The following MACF1 variants were observed in gnomAD, a reference collection of about 807,000 sequenced individuals.
The protein encoded by MACF1 is microtubule actin crosslinking factor 1, also known as microtubule-actin cross-linking factor 1.
MACF1 carries 193 observed loss-of-function variants against 854.8 expected under a neutral mutation model. The ratio of observed to expected loss-of-function variants is 0.23; its 90% CI spans 0.20 to 0.25. MACF1 has a LOEUF of 0.25. MACF1 is among the 10% of genes least tolerant of loss of function. MACF1 has a pLI of 1.00. For missense variants in MACF1, 7,722 were observed against 8,929.1 expected, an observed-to-expected ratio of 0.86 and a Z score of 5.45; for synonymous variants, 3,185 against 3,226.7, an observed-to-expected ratio of 0.99 and a Z score of 0.44.
intron 40 of MACF1, among the ~76,000 whole-genome samples, chr1:39,341,526 T>A (rs1204124658): frequency 2.0e-5 from 3 of 151,012 alleles, no homozygotes; most frequent in African/African-American, 4.9e-5. Context: ...TGAAACCCCG[T>A]CTCTATTAAA....
At chr1:39,417,843 G>A (rs549201873) in intron 58 of MACF1, among the ~76,000 whole-genome samples, 1 of 148,792 alleles carries the variant, frequency 6.7e-6, no homozygotes, top group South Asian at 2.1e-4. Flanking sequence ...GTCCCAAAGT[G>A]CTGGGATTAC....
At position 39,388,156 on chromosome 1, in the gene MACF1, A is replaced by G. The variant is rs758638668; in HGVS notation, c.15314A>G (p.Gln5105Arg). Residue 5105 changes from glutamine to arginine, a missense_variant, in exon 58 of 101, where the codon CAA becomes CGA. Transcript: ENST00000564288. ...CAGCAAGAGTTCCTCGAAGTTAAGCAAAGAGTGAACAGTGGTTGTGTGATG... is the reference window on the plus strand; with the variant it reads ...CAGCAAGAGTTCCTCGAAGTTAAGCGAAGAGTGAACAGTGGTTGTGTGATG... ...VAQQEFLEVK[Q>R]RVNSGCVMME... The G allele has an allele frequency of 1.9e-6, 3 of 1,614,192 alleles. No homozygotes were observed. In the East Asian group the frequency reaches 6.7e-5, roughly 36 times the overall value.
intron 2 of MACF1, among the ~76,000 whole-genome samples, chr1:39,089,657 C>T (rs1641758369): frequency 6.6e-6 from 1 of 152,126 alleles, no homozygotes; most frequent in Non-Finnish European, 1.5e-5. Context: ...TGTCTCTCCT[C>T]CAAGTTGGGA....
chr1:39,254,965 G>C (rs1241705152), intron 5 of MACF1, among the ~76,000 whole-genome samples: 1 of 152,126 alleles, frequency 6.6e-6, no homozygotes, highest in Non-Finnish European at 1.5e-5. Context: ...CCAATGAAGA[G>C]AGTAAGAATG....
chr1:39,260,722 A>G (rs1374140425), intron 6 of MACF1, among the ~76,000 whole-genome samples: 3 of 151,952 alleles, frequency 2.0e-5, no homozygotes, highest in Non-Finnish European at 2.9e-5. Flanking sequence ...TTATCTCTAA[A>G]AACAACAACA....
At chr1:39,390,622 G>C (rs1344173165) in intron 58 of MACF1, among the ~76,000 whole-genome samples, 3 of 152,160 alleles carry the variant, frequency 2.0e-5, no homozygotes, top group Non-Finnish European at 4.4e-5. Flanking sequence ...TGGTAGTGTG[G>C]CCTTCCCTGT....
chr1:39,205,634 G>A (rs1644441172), intron 1 of MACF1, among the ~76,000 whole-genome samples: 2 of 152,088 alleles, frequency 1.3e-5, no homozygotes, highest in Admixed American at 6.5e-5. Context: ...GTCGTGCGAT[G>A]TCCTTGCCGA....
chr1:39,447,303 G>T, intron 80 of MACF1, 129 bp from the exon 81 acceptor site: 1 of 830,082 alleles, frequency 1.2e-6, no homozygotes, highest in Non-Finnish European at 1.9e-6. Context: ...TTTGGACGTT[G>T]ATTAAATGAG....
intron 2 of MACF1, among the ~76,000 whole-genome samples, chr1:39,115,271 TAGGC>T (rs948939501): frequency 2.8e-4 from 42 of 152,238 alleles, no homozygotes; most frequent in Middle Eastern, 3.4e-3. Flanking sequence ...CACAGGAATT[TAGGC>T]AGGGAGTGAA....
intron 58 of MACF1, chr1:39,413,148 A>G (rs1228935337): frequency 6.2e-7 from 1 of 1,612,752 alleles, no homozygotes; most frequent in African/African-American, 1.3e-5. Context: ...TAGCTATTAC[A>G]GTACCCATCA....
chr1:39,486,643 C>T lies in MACF1; in HGVS notation c.*849C>T, dbSNP rs896922294. ...TTTTTTTGCTATTTATTTAAATGGT[C>T]GATCAACTTCCCACAAACTGAGGAA... On this transcript the variant is annotated 3_prime_UTR_variant, in exon 101 of 101. Coordinates refer to ENST00000564288, the MANE Select transcript of MACF1 (RefSeq NM_001394062.1). 6 of 152,584 alleles carry T rather than the reference C, an allele frequency of 3.9e-5. No homozygotes were observed. The highest frequency in any genetic ancestry group is 3.2e-3 in the Middle Eastern group (1 of 316). The allele number at this position is 152,584 out of a possible 1,614,324, so 9.5% of individuals were successfully genotyped here.
At chr1:39,154,402 A>C (rs964190321) in intron 2 of MACF1, 30 of 152,068 alleles carry the variant, frequency 2.0e-4, no homozygotes, top group African/African-American at 7.3e-4. Context: ...CATTCAACAG[A>C]TATATGTGGG....
intron 97 of MACF1, among the ~76,000 whole-genome samples, chr1:39,477,092 C>CAT (rs1644914337): frequency 2.8e-5 from 2 of 72,414 alleles, no homozygotes; most frequent in African/African-American, 1.5e-4. Context: ...TATATATATA[C>CAT]ACACACACAC....
intron 30 of MACF1, 149 bp downstream of exon 30, chr1:39,318,764 C>A: frequency 1.2e-6 from 1 of 855,318 alleles, no homozygotes. Flanking sequence ...AGGATCGTCC[C>A]AAGATACTGG....
chr1:39,431,182 C>T (rs1643870806), intron 66 of MACF1, among the ~76,000 whole-genome samples: 1 of 152,116 alleles, frequency 6.6e-6, no homozygotes, highest in African/African-American at 2.4e-5. Context: ...GCTAAGAAGG[C>T]TGATGGTGAT....
chr1:39,196,087 C>T (rs896604708), intron 2 of MACF1, among the ~76,000 whole-genome samples: 1 of 152,166 alleles, frequency 6.6e-6, no homozygotes, highest in Non-Finnish European at 1.5e-5. Flanking sequence ...TACTACAACT[C>T]TGAGACAGAT....
intron 2 of MACF1, among the ~76,000 whole-genome samples, chr1:39,190,083 A>C (rs775972857): frequency 1.3e-5 from 2 of 152,178 alleles, no homozygotes; most frequent in African/African-American, 2.4e-5. Context: ...AATCGTCTCT[A>C]GTTCTGTAAT....
intron 2 of MACF1, among the ~76,000 whole-genome samples, chr1:39,172,282 C>G (rs1438516913): frequency 6.6e-6 from 1 of 152,190 alleles, no homozygotes; most frequent in Non-Finnish European, 1.5e-5. Context: ...CTGATAATCC[C>G]TCTATCCCTT....
chr1:39,162,974 A>G (rs544024167), intron 2 of MACF1, among the ~76,000 whole-genome samples: 1 of 152,316 alleles, frequency 6.6e-6, no homozygotes, highest in Admixed American at 6.5e-5. Flanking sequence ...AAAATATTCT[A>G]ACAATGGTGC....
Sources: gnomAD v4.1 joint callset for allele counts (sites outside exome capture counted in the v4.1 genomes callset) on GRCh38, gnomAD v4.1.1 for gene constraint, MANE v1.5 for transcripts, NCBI Gene and HGNC (gene_info 2026-07-23, HGNC 2026-07-21) for gene names.